The following KCNQ1 variants were observed in gnomAD, a reference collection of about 807,000 sequenced individuals.
KCNQ1 encodes potassium voltage-gated channel subfamily Q member 1, also known as potassium voltage-gated channel subfamily KQT member 1.
In KCNQ1, 49 loss-of-function variants were observed where a neutral mutation model predicts 72.4. That is an observed-to-expected ratio of 0.68 (90% CI 0.54 to 0.86). The LOEUF is 0.86. Ranked by LOEUF, KCNQ1 falls within the 40% of genes least tolerant of loss-of-function variation. The pLI is 0.00. For synonymous variants in KCNQ1, 450 were observed against 412.6 expected (o/e 1.09, Z -1.10); for missense variants, 790 against 945.1 (o/e 0.84, Z 2.15).
rs1033029340 is a variant in KCNQ1, at chr11:2,799,049, C to T, written c.1794+21012C>T. 5.9e-5 allele frequency among the ~76,000 whole-genome samples: 9 copies of T among 152,340 alleles called. 1 individual carries two copies. The South Asian group carries it at 1.9e-3, about 32-fold the overall frequency. ...ACCTGGCAGGTGAAATCTAAACAGG[C>T]ACCTTCAAAGGAGGACAAAGCAGCT... On this transcript the variant is annotated intron_variant, in intron 15 of 15. Transcript: ENST00000155840.
Position 2,507,753 on chromosome 11 carries a change from G to C in KCNQ1, c.387-20175G>C, listed in dbSNP as rs12289730. On this transcript the variant is annotated intron_variant, in intron 1 of 15. Transcript: ENST00000155840. This position sits in a 1 kb window ranked among gnomAD's most constrained non-coding sequence, Gnocchi z 5.4. ...AGTGTGTAAATGACATGAGCGCAGG[G>C]GCTAGACAGGGCCTCCTGTAGCCTG... 0.021 allele frequency among the ~76,000 whole-genome samples: 3,216 copies of C among 152,168 alleles called. 40 individuals are homozygous for C. The highest frequency in any genetic ancestry group is 0.027 in the Middle Eastern group (8 of 294).
Position 2,826,148 on chromosome 11 carries a change from C to T in KCNQ1, c.1795-21619C>T, listed in dbSNP as rs376524001. Among the ~76,000 whole-genome samples the T allele has an allele frequency of 9.2e-5, 14 of 152,334 alleles. No individual in the cohort carries two copies. Among genetic ancestry groups the T allele is most frequent in the South Asian group, 8.3e-4 (4 of 4,828 alleles). On this transcript the variant is annotated intron_variant, in intron 15 of 15. Coordinates refer to ENST00000155840, the MANE Select transcript of KCNQ1 (RefSeq NM_000218.3). The surrounding 1 kb of genome is among the most constrained non-coding windows in gnomAD (Gnocchi z 4.2). Reference sequence around the variant, plus strand: ...AATGTCTTGAGTAATTATTGGGGGGCGGGGGCTGTCCAGCCCGCAGCAGAA... The same window carrying T: ...AATGTCTTGAGTAATTATTGGGGGGTGGGGGCTGTCCAGCCCGCAGCAGAA...
At position 2,768,973 on chromosome 11, in the gene KCNQ1, C is replaced by T; in HGVS notation, c.1590+54C>T. ...TCAGCCTGCCCCTCGCAGCCTGATG[C>T]AGCTGCCCACACCTCTCCTGGGTTC... On this transcript the variant is annotated intron_variant, in intron 12 of 15. Transcript: ENST00000155840. This position sits in a 1 kb window ranked among gnomAD's most constrained non-coding sequence, Gnocchi z 6.7. 5 of 1,377,796 alleles carry T rather than the reference C, an allele frequency of 3.6e-6. No individual in the cohort carries two copies. Among genetic ancestry groups the T allele is most frequent in the Non-Finnish European group, 1.0e-6 (1 of 966,088 alleles). The allele number at this position is 1,377,796 out of a possible 1,614,324, so 85.3% of individuals were successfully genotyped here.
intron 11 of KCNQ1, among the ~76,000 whole-genome samples, chr11:2,756,453 A>C (rs1187678821): frequency 6.6e-6 from 1 of 151,988 alleles, no homozygotes; most frequent in Non-Finnish European, 1.5e-5. Context: ...AAAAAAAAAA[A>C]AAAAACATGA....
intron 11 of KCNQ1, chr11:2,672,490 C>T (rs928511616): frequency 2.8e-5 from 11 of 398,574 alleles, no homozygotes; most frequent in Non-Finnish European, 4.9e-5. Flanking sequence ...CATTCCATGG[C>T]AGTGCCTAGG....
At chr11:2,614,730 T>C in intron 10 of KCNQ1, 1 of 398,466 alleles carries the variant, frequency 2.5e-6, no homozygotes. Context: ...TCCATTGGTC[T>C]ATATGTCCAT....
rs1170806757 is a variant in KCNQ1, at chr11:2,536,013, G to A, written c.477+7995G>A. ...CATGGCATGAAGACCCGGTGGTTCT[G>A]TTCCCCCGGGACAGCCTTGGTCCAG... On this transcript the variant is annotated intron_variant, in intron 2 of 15. Coordinates refer to ENST00000155840, the MANE Select transcript of KCNQ1 (RefSeq NM_000218.3). This position sits in a 1 kb window ranked among gnomAD's most constrained non-coding sequence, Gnocchi z 7.4. 6.6e-6 allele frequency among the ~76,000 whole-genome samples: 1 copy of A among 152,164 alleles called. No individual in the cohort carries two copies. The highest frequency in any genetic ancestry group is 1.5e-5 in the Non-Finnish European group (1 of 68,020).
chr11:2,490,799 C>T (rs887072590), intron 1 of KCNQ1, among the ~76,000 whole-genome samples: 2 of 152,226 alleles, frequency 1.3e-5, no homozygotes, highest in South Asian at 4.1e-4. Context: ...AGCGATTCTC[C>T]TGCCTCAGTC....
In KCNQ1 at chr11:2,462,385, T is replaced by A. The variant is rs1846291810; in HGVS notation, c.386+16901T>A. Among the ~76,000 whole-genome samples the A allele has an allele frequency of 6.6e-6, 1 of 152,134 alleles. No individual in the cohort carries two copies. Among genetic ancestry groups the A allele is most frequent in the Non-Finnish European group, 1.5e-5 (1 of 68,020 alleles). On this transcript the variant is annotated intron_variant, in intron 1 of 15. Transcript: ENST00000155840. This position sits in a 1 kb window ranked among gnomAD's most constrained non-coding sequence, Gnocchi z 8.2. ...TGCCTCCTCTCTCTGACGGGCCTGC[T>A]CCTGAGCTTGACACCTGCCTGGGGG...
chr11:2,670,933 A>T lies in KCNQ1; in HGVS notation c.1514+8852A>T, dbSNP rs751904292. On this transcript the variant is annotated intron_variant, in intron 11 of 15. Coordinates refer to ENST00000155840, the MANE Select transcript of KCNQ1 (RefSeq NM_000218.3). The surrounding 1 kb of genome is among the most constrained non-coding windows in gnomAD (Gnocchi z 4.9). ...CTGCCCTCCCAGGATGCAAATTGGC[A>T]GGCCCAGCTTCATGCCTTCTTATGG... The T allele has an allele frequency of 4.8e-5, 19 of 398,544 alleles. No individual in the cohort carries two copies. The highest frequency in any genetic ancestry group is 8.0e-5 in the Non-Finnish European group (18 of 226,102). 24.7% of individuals were successfully genotyped at this position (398,544 alleles called of 1,614,324 possible).
In KCNQ1 at chr11:2,691,125, A is replaced by C. The variant is rs529728285; in HGVS notation, c.1514+29044A>C. The C allele has an allele frequency of 3.8e-4, 151 of 398,620 alleles. No individual in the cohort carries two copies. In the East Asian group the frequency reaches 5.3e-3, roughly 14 times the overall value. 24.7% of individuals were successfully genotyped at this position (398,620 alleles called of 1,614,324 possible). A position where few individuals can be genotyped will look rare whatever the true frequency, so the allele number is the denominator to read the frequency against. ...AACAGTAGGGGTGGAGGCTGTGCAGACCTGGTGCAGAGTCTGTGCTGGCCT... is the reference window on the plus strand; with the variant it reads ...AACAGTAGGGGTGGAGGCTGTGCAGCCCTGGTGCAGAGTCTGTGCTGGCCT... On this transcript the variant is annotated intron_variant, in intron 11 of 15. Transcript: ENST00000155840. This position sits in a 1 kb window ranked among gnomAD's most constrained non-coding sequence, Gnocchi z 6.4.
rs577079454 is a variant in KCNQ1 at position 2,600,039 on chromosome 11, C to T, written c.1393+11185C>T. ...TTCCACAGGCAGGGTTCCTCTTTCC[C>T]GGCCGGCATTCCTGCCCACCAGTCC... On this transcript the variant is annotated intron_variant, in intron 10 of 15. Transcript: ENST00000155840. The surrounding 1 kb of genome is among the most constrained non-coding windows in gnomAD (Gnocchi z 5.6). Among the ~76,000 whole-genome samples, 4 of 152,264 alleles carry T rather than the reference C, an allele frequency of 2.6e-5. No individual in the cohort carries two copies. The highest frequency in any genetic ancestry group is 4.4e-5 in the Non-Finnish European group (3 of 68,026).
intron 2 of KCNQ1, among the ~76,000 whole-genome samples, chr11:2,546,635 TA>T (rs202095794): frequency 0.055 from 8,294 of 152,020 alleles, 403 homozygotes; most frequent in African/African-American, 0.13. Flanking sequence ...TAATGTATTT[TA>T]TTTTTTGCTT....
chr11:2,807,903 G>A (rs1847412182), intron 15 of KCNQ1, among the ~76,000 whole-genome samples: 1 of 152,208 alleles, frequency 6.6e-6, no homozygotes, highest in Non-Finnish European at 1.5e-5. Context: ...CAGCATGAGG[G>A]AAGCAGCGGT....
rs539267502 is a variant in KCNQ1, at chr11:2,602,216, C to T, written c.1393+13362C>T. ...AAGCCTCCAGAAGGAACCAGCCCTG[C>T]TGACACCTTGATTTTTCGTCCCCTA... On this transcript the variant is annotated intron_variant, in intron 10 of 15. Transcript: ENST00000155840. The surrounding 1 kb of genome is among the most constrained non-coding windows in gnomAD (Gnocchi z 4.8). Among the ~76,000 whole-genome samples the T allele has an allele frequency of 6.6e-6, 1 of 152,022 alleles. No individual in the cohort carries two copies. The highest frequency in any genetic ancestry group is 1.9e-4 in the East Asian group (1 of 5,160).
chr11:2,591,611 C>T (rs377247866), intron 10 of KCNQ1, among the ~76,000 whole-genome samples: 4 of 152,210 alleles, frequency 2.6e-5, no homozygotes, highest in South Asian at 2.1e-4. Context: ...GGAGAAGCAT[C>T]GCTTGCTGCT....
In KCNQ1 at chr11:2,815,246, G is replaced by T. The variant is rs912261534; in HGVS notation, c.1795-32521G>T. Among the ~76,000 whole-genome samples, 2 of 152,106 alleles carry T rather than the reference G, an allele frequency of 1.3e-5. No individual in the cohort carries two copies. The highest frequency in any genetic ancestry group is 4.8e-5 in the African/African-American group (2 of 41,406). On this transcript the variant is annotated intron_variant, in intron 15 of 15. Transcript: ENST00000155840. This position sits in a 1 kb window ranked among gnomAD's most constrained non-coding sequence, Gnocchi z 5.4. ...GCCTTTATTCTCTAGGGGCCTTGGG[G>T]GTGTCTAGGCTGCCACCACAGCATC... is the stretch of plus-strand genomic sequence containing the variant.
At position 2,617,669 on chromosome 11, in the gene KCNQ1, A is replaced by T; in HGVS notation, c.1393+28815A>T. 1 of 398,550 alleles carries T rather than the reference A, an allele frequency of 2.5e-6. No individual in the cohort carries two copies. Among genetic ancestry groups the T allele is most frequent in the Non-Finnish European group, 4.4e-6 (1 of 226,012 alleles). The allele number at this position is 398,550 out of a possible 1,614,324, so 24.7% of individuals were successfully genotyped here. A position where few individuals can be genotyped will look rare whatever the true frequency, so the allele number is the denominator to read the frequency against. ...TTTCATTATGACTGCACCAATCTAC[A>T]GTCCCACCAACACTGTACAAGAGTT... On this transcript the variant is annotated intron_variant, in intron 10 of 15. Coordinates refer to ENST00000155840, the MANE Select transcript of KCNQ1 (RefSeq NM_000218.3). This position sits in a 1 kb window ranked among gnomAD's most constrained non-coding sequence, Gnocchi z 4.6.
In KCNQ1 at chr11:2,509,989, A is replaced by G. The variant is rs1453621879; in HGVS notation, c.387-17939A>G. 7.9e-5 allele frequency among the ~76,000 whole-genome samples: 12 copies of G among 152,080 alleles called. No individual in the cohort carries two copies. Among genetic ancestry groups the G allele is most frequent in the Non-Finnish European group, 1.6e-4 (11 of 68,026 alleles). ...TCCTGGTGTTTAAAGGCTAATTGGG[A>G]TCGGTCGTGGTGCCTCAGGCCTGTC... On this transcript the variant is annotated intron_variant, in intron 1 of 15. Coordinates refer to ENST00000155840, the MANE Select transcript of KCNQ1 (RefSeq NM_000218.3). This position sits in a 1 kb window ranked among gnomAD's most constrained non-coding sequence, Gnocchi z 6.3.
Sources: gnomAD v4.1 joint callset for allele counts (sites outside exome capture counted in the v4.1 genomes callset) on GRCh38, gnomAD v4.1.1 for gene constraint, Gnocchi (gnomAD v3.1) non-coding constraint, MANE v1.5 for transcripts, NCBI Gene and HGNC (gene_info 2026-07-23, HGNC 2026-07-21) for gene names.